TOX2: variants seen among roughly 807,000 people sequenced by gnomAD.
The protein encoded by TOX2 is granulosa cell HMG box 1.
In TOX2, 15 loss-of-function variants were observed where a neutral mutation model predicts 47.4. That is an observed-to-expected ratio of 0.32 (90% confidence interval 0.21 to 0.49). TOX2 has a LOEUF of 0.49. TOX2 is among the 20% of genes least tolerant of loss of function. The pLI is 0.99. For missense variants in TOX2, 622 were observed against 673.1 expected (o/e 0.92, Z 0.84); for synonymous variants, 290 against 296.6 (o/e 0.98, Z 0.23).
chr20:44,034,577 A>G (rs1033150573), intron 3 of TOX2, among the ~76,000 whole-genome samples: 3 of 152,194 alleles, frequency 2.0e-5, no homozygotes, highest in Non-Finnish European at 4.4e-5. Flanking sequence ...GGATGTGAGA[A>G]AGAGGCTCGA....
chr20:44,039,079 C>T (rs2071289205), intron 3 of TOX2: 9 of 1,278,376 alleles, frequency 7.0e-6, no homozygotes, highest in South Asian at 1.2e-5. Context: ...CCTGCCCAGC[C>T]CTCTGCCTGG....
chr20:43,955,724 T>C (rs1342464053), intron 1 of TOX2, among the ~76,000 whole-genome samples: 1 of 152,228 alleles, frequency 6.6e-6, no homozygotes, highest in African/African-American at 2.4e-5. Flanking sequence ...GCTCCAAACC[T>C]GCTTCTCATT....
At position 43,929,018 on chromosome 20, in the gene TOX2, G is replaced by T. The variant is rs933486769; in HGVS notation, c.99+14028G>T. Among the ~76,000 whole-genome samples the T allele has an allele frequency of 6.5e-4, 90 of 139,160 alleles. No individual in the cohort carries two copies. The Middle Eastern group carries it at 0.01, about 16-fold the overall frequency. 91.3% of individuals were successfully genotyped at this position (139,160 alleles called of 152,430 possible). On this transcript the variant is annotated intron_variant, in intron 1 of 8. Transcript: ENST00000341197. The stretch of plus-strand genomic sequence containing the variant: ...AAAAAAACAACAACAAAAAAACTGG[G>T]CATGGTGGCTCGTGCCTGTAATCTC...
chr20:43,941,596 G>C (rs1268118458), intron 1 of TOX2, among the ~76,000 whole-genome samples: 1 of 152,192 alleles, frequency 6.6e-6, no homozygotes, highest in Non-Finnish European at 1.5e-5. Flanking sequence ...GCCTCCCAAA[G>C]TGTTGGGATT....
chr20:44,059,151 T>A (rs2071673833), intron 5 of TOX2, among the ~76,000 whole-genome samples: 1 of 151,788 alleles, frequency 6.6e-6, no homozygotes, highest in Non-Finnish European at 1.5e-5. Context: ...AATGGAAAAA[T>A]CTCCAGTGAA....
At chr20:44,064,115 C>T (rs989590646) in intron 5 of TOX2, among the ~76,000 whole-genome samples, 3 of 152,036 alleles carry the variant, frequency 2.0e-5, no homozygotes, top group Admixed American at 6.5e-5. Flanking sequence ...TATTCATATA[C>T]AAAAAAAATT....
At chr20:44,061,311 T>C (rs746880965) in intron 5 of TOX2, among the ~76,000 whole-genome samples, 1 of 152,058 alleles carries the variant, frequency 6.6e-6, no homozygotes, top group Non-Finnish European at 1.5e-5. Context: ...AGGACACTAT[T>C]CCACAAAATA....
At chr20:44,047,005 T>C (rs1463647268) in intron 3 of TOX2, among the ~76,000 whole-genome samples, 1 of 152,218 alleles carries the variant, frequency 6.6e-6, no homozygotes, top group Non-Finnish European at 1.5e-5. Flanking sequence ...TCATGGTCTC[T>C]GATCTTGATA....
At chr20:43,924,900 G>A (rs190270062) in intron 1 of TOX2, among the ~76,000 whole-genome samples, 2 of 152,304 alleles carry the variant, frequency 1.3e-5, no homozygotes, top group Admixed American at 6.5e-5. Context: ...GTGTCCCGGG[G>A]TGTCCACTGA....
chr20:44,021,390 C>T (rs974353311), intron 3 of TOX2, among the ~76,000 whole-genome samples: 4 of 152,096 alleles, frequency 2.6e-5, no homozygotes, highest in Non-Finnish European at 4.4e-5. Context: ...GGCCGTAAGC[C>T]GAGATTCTAA....
At chr20:44,026,250 G>GATATATATATATAC (rs1358438826) in intron 3 of TOX2, among the ~76,000 whole-genome samples, 1 of 82,952 alleles carries the variant, frequency 1.2e-5, no homozygotes, top group African/African-American at 5.4e-5. Context: ...TATATATATA[G>GATATATATATATAC]ACACACACAC....
At chr20:43,957,172 T>G (rs564134868) in intron 1 of TOX2, among the ~76,000 whole-genome samples, 1 of 152,390 alleles carries the variant, frequency 6.6e-6, no homozygotes, top group African/African-American at 2.4e-5. Flanking sequence ...TCTGATTGTT[T>G]CCCTGTAACA....
Position 44,006,669 on chromosome 20 carries a change from C to T in TOX2, c.288C>T (p.Cys96=), listed in dbSNP as rs936395963. The T allele has an allele frequency of 2.5e-6, 4 of 1,614,002 alleles. No individual in the cohort carries two copies. Among genetic ancestry groups the T allele is most frequent in the Non-Finnish European group, 3.4e-6 (4 of 1,180,038 alleles). ...ACGAAGCCAGCTACCACTCGCTGTG[C>T]CACGGCCTCACCCCCAACGGTCTGC... ...GDHEASYHSL[C]HGLTPNGLLP... Residue 96 remains cysteine, a synonymous_variant, in exon 3 of 9, where the codon TGC becomes TGT. Transcript: ENST00000341197.
At chr20:43,959,491 A>C (rs2069721777) in intron 1 of TOX2, among the ~76,000 whole-genome samples, 1 of 152,214 alleles carries the variant, frequency 6.6e-6, no homozygotes. Context: ...GACCTAGAAA[A>C]ACCTTTCTAG....
At chr20:43,918,309 A>AT (rs989792992) in intron 1 of TOX2, among the ~76,000 whole-genome samples, 1 of 152,112 alleles carries the variant, frequency 6.6e-6, no homozygotes, top group Non-Finnish European at 1.5e-5. Flanking sequence ...TTTTTAGCTC[A>AT]TTTTTTACTG....
chr20:44,029,016 T>C (rs1457916851), intron 3 of TOX2, among the ~76,000 whole-genome samples: 2 of 152,058 alleles, frequency 1.3e-5, no homozygotes, highest in African/African-American at 4.8e-5. Context: ...CCAGACCAAG[T>C]CCTCATCCCC....
At chr20:43,966,161 A>G (rs1220342787) in intron 1 of TOX2, among the ~76,000 whole-genome samples, 1 of 152,202 alleles carries the variant, frequency 6.6e-6, no homozygotes, top group Non-Finnish European at 1.5e-5. Flanking sequence ...TTGTTGTTTT[A>G]TAGGTGAGGA....
intron 5 of TOX2, among the ~76,000 whole-genome samples, chr20:44,063,799 C>CACAT (rs1224784578): frequency 6.9e-6 from 1 of 144,418 alleles, no homozygotes; most frequent in Non-Finnish European, 1.5e-5. Context: ...CACACACACA[C>CACAT]ACACAAACAC....
rs1239838494 is a variant in TOX2 at position 44,069,274 on chromosome 20, T to TTAAG, written c.*590_*593dup. On this transcript the variant is annotated 3_prime_UTR_variant, in exon 9 of 9. Transcript: ENST00000341197. ...ATTTTATATGATCCTTAGCACATTT[T>TTAAG]TAAGTTTTATCTTAAGGGAGACGCG... is the stretch of plus-strand genomic sequence containing the variant. 3 of 195,362 alleles carry TTAAG rather than the reference T, an allele frequency of 1.5e-5. No individual in the cohort carries two copies. The highest frequency in any genetic ancestry group is 7.1e-5 in the African/African-American group (3 of 42,542). 12.1% of individuals were successfully genotyped at this position (195,362 alleles called of 1,614,324 possible). A position where few individuals can be genotyped will look rare whatever the true frequency, so the allele number is the denominator to read the frequency against.
Sources: allele counts gnomAD v4.1 joint callset (sites outside exome capture counted in the v4.1 genomes callset), GRCh38; gene constraint gnomAD v4.1.1; transcripts MANE v1.5; gene names NCBI Gene and HGNC (gene_info 2026-07-23, HGNC 2026-07-21).